RBKS: variants seen among roughly 807,000 people sequenced by gnomAD.
RBKS encodes the protein ribokinase.
In RBKS, 33 loss-of-function variants were observed where a neutral mutation model predicts 33.9. The observed-to-expected ratio is 0.97, with a 90% CI of 0.74 to 1.30. RBKS has a LOEUF of 1.30. RBKS is among the 50% of genes most tolerant of loss of function. The probability of loss-of-function intolerance (pLI) is 0.00; values close to 1 mark genes in which losing one functional copy is unlikely to be tolerated. For missense variants in RBKS, 361 were observed against 392.6 expected, an observed-to-expected ratio of 0.92 and a Z score of 0.68; for synonymous variants, 125 against 143.0, an observed-to-expected ratio of 0.87 and a Z score of 0.90.
At chr2:27,882,569 A>G (rs1424828925) in intron 1 of RBKS, among the ~76,000 whole-genome samples, 1 of 152,240 alleles carries the variant, frequency 6.6e-6, no homozygotes, top group East Asian at 1.9e-4. Flanking sequence ...CAGCAATCCC[A>G]TTACTGGGTA....
chr2:27,863,471 A>G (rs1664027647), intron 1 of RBKS, among the ~76,000 whole-genome samples: 1 of 152,264 alleles, frequency 6.6e-6, no homozygotes, highest in Non-Finnish European at 1.5e-5. Context: ...ATTCACTGAC[A>G]GGTGTTACCA....
At position 27,781,631 on chromosome 2, in the gene RBKS, G is replaced by A. The variant is rs774859179; in HGVS notation, c.953C>T (p.Pro318Leu). ...TAATAGCAATCAAAACAGAGTAAGC[G>A]GAAGGTCTTTTTTGTAAGGGTAAGA... The part of the protein sequence containing the change: ...QSSYPYKKDL[P>L]LTLF Residue 318 changes from proline to leucine, a missense_variant, in exon 8 of 8, where the codon CCG (proline) becomes CTG (leucine). Transcript: ENST00000302188. 5.5e-5 allele frequency: 88 copies of A among 1,610,980 alleles called. No individual in the cohort carries two copies. The East Asian group carries it at 6.9e-4, about 13-fold the overall frequency.
intron 7 of RBKS, among the ~76,000 whole-genome samples, chr2:27,791,070 A>C (rs1414086080): frequency 6.6e-6 from 1 of 152,262 alleles, no homozygotes; most frequent in Admixed American, 6.5e-5. Context: ...ACATCCAGAC[A>C]AGGCAATACT....
At chr2:27,791,917 T>C (rs1031315842) in intron 7 of RBKS, among the ~76,000 whole-genome samples, 4 of 152,102 alleles carry the variant, frequency 2.6e-5, no homozygotes, top group Non-Finnish European at 5.9e-5. Flanking sequence ...TATACATTCA[T>C]CAAAACTCAT....
intron 6 of RBKS, among the ~76,000 whole-genome samples, chr2:27,832,072 C>T (rs1215598404): frequency 6.6e-6 from 1 of 152,024 alleles, no homozygotes; most frequent in African/African-American, 2.4e-5. Flanking sequence ...AATTTTCTTC[C>T]CAACAATATT....
At chr2:27,886,119 G>C (rs1664523118) in intron 1 of RBKS, among the ~76,000 whole-genome samples, 1 of 152,052 alleles carries the variant, frequency 6.6e-6, no homozygotes, top group Non-Finnish European at 1.5e-5. Context: ...ATATAAGTGA[G>C]TATTAAATAA....
At chr2:27,793,694 C>T (rs1009114150) in intron 7 of RBKS, among the ~76,000 whole-genome samples, 6 of 152,146 alleles carry the variant, frequency 3.9e-5, no homozygotes, top group African/African-American at 1.4e-4. Flanking sequence ...TGATAAAAAA[C>T]CACTATTGGG....
chr2:27,801,988 ATATATTTTTTTTT>A (rs1677803790), intron 7 of RBKS, among the ~76,000 whole-genome samples: 3 of 86,870 alleles, frequency 3.5e-5, no homozygotes, highest in African/African-American at 1.7e-4. Context: ...ATATATATAT[ATATATTTTTTTTT>A]TTTTTTTTTT....
intron 2 of RBKS, among the ~76,000 whole-genome samples, chr2:27,854,080 G>A (rs181344783): frequency 1.0e-3 from 157 of 152,332 alleles, no homozygotes; most frequent in East Asian, 4.2e-3. Flanking sequence ...CAAGCTATCC[G>A]TGGAGAAGCA....
chr2:27,852,386 A>T (rs528319186), intron 2 of RBKS, among the ~76,000 whole-genome samples: 1 of 152,284 alleles, frequency 6.6e-6, no homozygotes, highest in African/African-American at 2.4e-5. Flanking sequence ...GGAAAGCAAA[A>T]GGGCTGGGTG....
intron 1 of RBKS, among the ~76,000 whole-genome samples, chr2:27,883,223 G>A (rs112516806): frequency 4.8e-5 from 7 of 145,334 alleles, no homozygotes; most frequent in African/African-American, 1.0e-4. Context: ...TTTTTGAGAC[G>A]GAGTCTCGCT....
chr2:27,786,924 T>C (rs980321601), intron 7 of RBKS, among the ~76,000 whole-genome samples: 35 of 152,196 alleles, frequency 2.3e-4, no homozygotes, highest in African/African-American at 8.2e-4. Flanking sequence ...GGAAGCATTA[T>C]TTAGGCAGCA....
chr2:27,884,738 T>A (rs1403694997), intron 1 of RBKS, among the ~76,000 whole-genome samples: 2 of 152,172 alleles, frequency 1.3e-5, no homozygotes, highest in Non-Finnish European at 2.9e-5. Context: ...CACTTTTAAT[T>A]GGCAGCATGT....
chr2:27,865,842 C>A (rs1021089616), intron 1 of RBKS, among the ~76,000 whole-genome samples: 1 of 152,146 alleles, frequency 6.6e-6, no homozygotes, highest in Non-Finnish European at 1.5e-5. Context: ...TTTACATATT[C>A]TTCCATTTCC....
chr2:27,852,590 T>C (rs1173929359), intron 2 of RBKS, among the ~76,000 whole-genome samples: 1 of 152,164 alleles, frequency 6.6e-6, no homozygotes, highest in African/African-American at 2.4e-5. Context: ...TGAGGAATGG[T>C]TGTTTAGGCT....
intron 7 of RBKS, among the ~76,000 whole-genome samples, chr2:27,826,331 T>C: frequency 6.6e-6 from 1 of 152,008 alleles, no homozygotes; most frequent in African/African-American, 2.4e-5. Flanking sequence ...TTCTTCTAAA[T>C]AAAAACTCTA....
chr2:27,851,883 T>C (rs577033990), intron 2 of RBKS, among the ~76,000 whole-genome samples: 1 of 152,320 alleles, frequency 6.6e-6, no homozygotes, highest in East Asian at 1.9e-4. Context: ...GCACCCAAAC[T>C]ATTCTAGAAT....
At chr2:27,887,457 A>G (rs1310282559) in intron 1 of RBKS, among the ~76,000 whole-genome samples, 1 of 152,236 alleles carries the variant, frequency 6.6e-6, no homozygotes, top group Non-Finnish European at 1.5e-5. Context: ...GCAGTAGATA[A>G]CTAATATAAT....
intron 2 of RBKS, among the ~76,000 whole-genome samples, chr2:27,849,571 A>AT: frequency 6.9e-6 from 1 of 145,508 alleles, no homozygotes; most frequent in South Asian, 2.2e-4. Flanking sequence ...AAAAAAAAAA[A>AT]AAAAAAAAAA....
Sources: allele counts gnomAD v4.1 joint callset (sites outside exome capture counted in the v4.1 genomes callset), GRCh38; gene constraint gnomAD v4.1.1; transcripts MANE v1.5; gene names NCBI Gene and HGNC (gene_info 2026-07-23, HGNC 2026-07-21).